Variants in KCNIP4 observed in about 807,000 individuals in gnomAD.
KCNIP4 encodes the protein potassium voltage-gated channel interacting protein 4.
Under a neutral mutation model 34.0 loss-of-function variants are expected in KCNIP4, and 12 were observed. The observed-to-expected ratio is 0.35, with a 90% CI of 0.23 to 0.57. The LOEUF is 0.57. Ranked by LOEUF, KCNIP4 falls within the 20% of genes least tolerant of loss-of-function variation. KCNIP4 has a pLI of 0.83. For missense variants in KCNIP4, 238 were observed against 311.7 expected (o/e 0.76, Z 1.78); for synonymous variants, 124 against 102.2 (o/e 1.21, Z -1.29).
At chr4:21,241,932 A>T (rs1289379923) in intron 1 of KCNIP4, among the ~76,000 whole-genome samples, 1 of 152,130 alleles carries the variant, frequency 6.6e-6, no homozygotes, top group African/African-American at 2.4e-5. Context: ...TGGGAGGCCA[A>T]GGCGGGTGGA....
intron 1 of KCNIP4, among the ~76,000 whole-genome samples, chr4:21,034,330 C>T (rs1355378414): frequency 1.3e-5 from 2 of 152,108 alleles, no homozygotes; most frequent in Non-Finnish European, 2.9e-5. Context: ...AACAAATCAG[C>T]CTGGAGGGTT....
At chr4:21,824,612 A>C (rs1271814213) in intron 1 of KCNIP4, among the ~76,000 whole-genome samples, 1 of 152,110 alleles carries the variant, frequency 6.6e-6, no homozygotes, top group Non-Finnish European at 1.5e-5. Flanking sequence ...CTGGCCTTGC[A>C]CCCACAAAAT....
intron 1 of KCNIP4, among the ~76,000 whole-genome samples, chr4:21,083,257 C>T (rs1028176215): frequency 2.0e-5 from 3 of 151,774 alleles, no homozygotes; most frequent in Admixed American, 1.3e-4. Context: ...CTCCCTCTCT[C>T]TCTTCCTCTC....
At chr4:21,440,945 C>T (rs1448748919) in intron 1 of KCNIP4, among the ~76,000 whole-genome samples, 6 of 151,972 alleles carry the variant, frequency 3.9e-5, no homozygotes, top group Admixed American at 3.9e-4. Context: ...TTTTCCAAGA[C>T]CTTGAAGGCT....
chr4:21,582,116 C>T (rs1741277352), intron 1 of KCNIP4: 2 of 133,530 alleles, frequency 1.5e-5, no homozygotes, highest in Admixed American at 7.3e-5. Context: ...GAATATGACA[C>T]ATAGCAAAGG....
chr4:21,426,934 C>A (rs1440863613), intron 1 of KCNIP4, among the ~76,000 whole-genome samples: 1 of 150,560 alleles, frequency 6.6e-6, no homozygotes, highest in Non-Finnish European at 1.5e-5. Flanking sequence ...ATTTAAGATG[C>A]CTTTTTCAGA....
At chr4:21,373,580 G>A (rs560874060) in intron 1 of KCNIP4, among the ~76,000 whole-genome samples, 3 of 147,352 alleles carry the variant, frequency 2.0e-5, no homozygotes, top group East Asian at 2.0e-4. Flanking sequence ...TCAATAAGAA[G>A]AGCCAAAAAA....
At chr4:20,865,829 G>A (rs1364982532) in intron 2 of KCNIP4, among the ~76,000 whole-genome samples, 1 of 151,972 alleles carries the variant, frequency 6.6e-6, no homozygotes, top group African/African-American at 2.4e-5. Flanking sequence ...TAAAAGAATA[G>A]ATTTTAGATG....
At chr4:20,852,570 T>C (rs7693255) in intron 2 of KCNIP4, among the ~76,000 whole-genome samples, 53,192 of 151,880 alleles carry the variant, frequency 0.35, 10,365 homozygotes, top group Admixed American at 0.46. Context: ...GGAAACAAGA[T>C]AAGGATGCCC....
At chr4:21,465,283 C>G (rs62295502) in intron 1 of KCNIP4, among the ~76,000 whole-genome samples, 29,493 of 152,116 alleles carry the variant, frequency 0.19, 3,422 homozygotes, top group Non-Finnish European at 0.27. Context: ...GCCAATCCTA[C>G]TGACAGCAGC....
intron 1 of KCNIP4, among the ~76,000 whole-genome samples, chr4:20,976,880 C>A (rs1192749640): frequency 6.6e-6 from 1 of 152,128 alleles, no homozygotes; most frequent in Non-Finnish European, 1.5e-5. Context: ...GTTGCCCAGG[C>A]TGGAGTGCAG....
At chr4:21,385,541 A>T (rs1254796812) in intron 1 of KCNIP4, among the ~76,000 whole-genome samples, 1 of 152,188 alleles carries the variant, frequency 6.6e-6, no homozygotes, top group Non-Finnish European at 1.5e-5. Context: ...TAAAAAGAAG[A>T]TTCAATTTCT....
At chr4:21,218,060 G>C (rs1402124722) in intron 1 of KCNIP4, among the ~76,000 whole-genome samples, 2 of 150,902 alleles carry the variant, frequency 1.3e-5, no homozygotes, top group African/African-American at 4.9e-5. Context: ...TTGTTGCCCA[G>C]GCTGGAGTGC....
At chr4:21,939,772 T>C (rs1172002753) in intron 1 of KCNIP4, among the ~76,000 whole-genome samples, 3 of 152,110 alleles carry the variant, frequency 2.0e-5, no homozygotes, top group African/African-American at 7.2e-5. Context: ...TGAAAGTAGA[T>C]GATATGGAAA....
chr4:21,938,934 G>A (rs150512519), intron 1 of KCNIP4, among the ~76,000 whole-genome samples: 37 of 152,072 alleles, frequency 2.4e-4, no homozygotes, highest in East Asian at 1.7e-3. Context: ...ATTGATAAAC[G>A]CATTTTAAAT....
At chr4:21,167,702 T>C (rs915286304) in intron 1 of KCNIP4, among the ~76,000 whole-genome samples, 21 of 152,186 alleles carry the variant, frequency 1.4e-4, no homozygotes, top group African/African-American at 5.1e-4. Context: ...AAAATTTAAA[T>C]GAATCAATGC....
chr4:21,204,527 T>C (rs1756712745), intron 1 of KCNIP4, among the ~76,000 whole-genome samples: 1 of 152,210 alleles, frequency 6.6e-6, no homozygotes, highest in African/African-American at 2.4e-5. Context: ...CAATGATTGG[T>C]TTTAGATTCC....
chr4:21,811,831 C>A (rs1418143588), intron 1 of KCNIP4, among the ~76,000 whole-genome samples: 2 of 152,170 alleles, frequency 1.3e-5, no homozygotes. Context: ...AAGAAAGCTG[C>A]AAAATGTGTC....
At chr4:21,804,313 A>G (rs1721173021) in intron 1 of KCNIP4, among the ~76,000 whole-genome samples, 1 of 152,232 alleles carries the variant, frequency 6.6e-6, no homozygotes, top group Admixed American at 6.5e-5. Context: ...GTGATCAGAC[A>G]TGATTATAGA....
Sources: gnomAD v4.1 joint callset for allele counts (sites outside exome capture counted in the v4.1 genomes callset) on GRCh38, gnomAD v4.1.1 for gene constraint, MANE v1.5 for transcripts, NCBI Gene and HGNC (gene_info 2026-07-23, HGNC 2026-07-21) for gene names.